RBFOX1: variants seen among roughly 807,000 people sequenced by gnomAD.
RBFOX1 encodes RNA binding protein fox-1 homolog 1.
A neutral mutation model predicts 57.7 loss-of-function variants in RBFOX1; 8 were observed. The ratio of observed to expected loss-of-function variants is 0.14; its 90% CI spans 0.08 to 0.25. RBFOX1 has a LOEUF of 0.25. RBFOX1 is among the 10% of genes least tolerant of loss of function. The pLI is 1.00. For missense variants in RBFOX1, 611 were observed against 548.5 expected, an observed-to-expected ratio of 1.11 and a Z score of -1.14; for synonymous variants, 326 against 222.4, an observed-to-expected ratio of 1.47 and a Z score of -4.15.
At chr16:5,701,308 A>G (rs1397136323) in intron 3 of RBFOX1, among the ~76,000 whole-genome samples, 1 of 152,240 alleles carries the variant, frequency 6.6e-6, no homozygotes, top group Non-Finnish European at 1.5e-5. Flanking sequence ...AATGTAATGC[A>G]AACAAATACA....
At chr16:7,573,105 T>C (rs567417521) in intron 5 of RBFOX1, among the ~76,000 whole-genome samples, 101 of 152,242 alleles carry the variant, frequency 6.6e-4, no homozygotes, top group African/African-American at 2.4e-3. Flanking sequence ...CTGTAGATCA[T>C]AGGGCCAGTG....
chr16:5,536,276 C>T (rs979267601), intron 2 of RBFOX1, among the ~76,000 whole-genome samples: 2 of 137,702 alleles, frequency 1.5e-5, no homozygotes, highest in East Asian at 4.4e-4. Context: ...TGCTTGTCGC[C>T]TAGGCTGGAG....
Position 5,497,638 on chromosome 16 carries a change from A to AAAAAAAAAAAAAAT in RBFOX1, c.258+30384_258+30385insAAAAAAAAAAAAAT, listed in dbSNP as rs71142625. Among the ~76,000 whole-genome samples, 8 of 139,396 alleles carry AAAAAAAAAAAAAAT rather than the reference A, an allele frequency of 5.7e-5. 1 individual carries two copies. Among genetic ancestry groups the AAAAAAAAAAAAAAT allele is most frequent in the African/African-American group, 1.8e-4 (6 of 33,708 alleles). The allele number at this position is 139,396 out of a possible 152,430, so 91.4% of individuals were successfully genotyped here. On this transcript the variant is annotated intron_variant, in intron 2 of 2. Coordinates refer to the RBFOX1 transcript ENST00000585867. ...CTAAAAATACAAAAAAAAAAAAAAA[A>AAAAAAAAAAAAAAT]GCTGGGCATGGTGGCACACACTCCC...
chr16:7,005,102 T>A (rs1356549170), intron 3 of RBFOX1, among the ~76,000 whole-genome samples: 1 of 152,008 alleles, frequency 6.6e-6, no homozygotes, highest in Non-Finnish European at 1.5e-5. Context: ...TGAGATCGCG[T>A]CATTGCACTC....
intron 1 of RBFOX1, among the ~76,000 whole-genome samples, chr16:6,315,357 G>A (rs569595239): frequency 6.7e-6 from 1 of 148,194 alleles, no homozygotes; most frequent in Non-Finnish European, 1.5e-5. Context: ...TGGATGAATG[G>A]GTGGGTGGAT....
At chr16:6,348,873 C>T (rs1035865911) in intron 2 of RBFOX1, among the ~76,000 whole-genome samples, 1 of 152,134 alleles carries the variant, frequency 6.6e-6, no homozygotes, top group Admixed American at 6.5e-5. Flanking sequence ...AGATCCAAAC[C>T]ATATCAGATG....
At chr16:5,961,724 T>G (rs2059753604) in intron 4 of RBFOX1, among the ~76,000 whole-genome samples, 1 of 152,080 alleles carries the variant, frequency 6.6e-6, no homozygotes, top group Non-Finnish European at 1.5e-5. Flanking sequence ...GATGAGGTTT[T>G]GCTTTGTTGC....
intron 1 of RBFOX1, among the ~76,000 whole-genome samples, chr16:6,115,779 C>T (rs558777253): frequency 1.3e-5 from 2 of 152,268 alleles, no homozygotes; most frequent in Middle Eastern, 3.4e-3. Context: ...CATAATTCCC[C>T]AATCCCTGGT....
Position 6,123,474 on chromosome 16 carries a change from A to G in RBFOX1, c.-127+103482A>G, listed in dbSNP as rs148347144. On this transcript the variant is annotated intron_variant, in intron 1 of 15. Transcript: ENST00000550418. ...AGTCAAATACTTAGAAACTGAAAGT[A>G]GAATAGAGGTTACCAGGGGCTGAAA... is the stretch of plus-strand genomic sequence containing the variant. 6.0e-3 allele frequency among the ~76,000 whole-genome samples: 914 copies of G among 152,352 alleles called. 11 individuals are homozygous for G. The highest frequency in any genetic ancestry group is 0.021 in the African/African-American group (860 of 41,588).
chr16:6,360,453 A>C (rs183133718), intron 2 of RBFOX1, among the ~76,000 whole-genome samples: 1 of 152,288 alleles, frequency 6.6e-6, no homozygotes, highest in Admixed American at 6.5e-5. Context: ...TGGAAAAAAA[A>C]ATGTCCAAGT....
intron 4 of RBFOX1, among the ~76,000 whole-genome samples, chr16:7,089,239 G>A (rs578185929): frequency 5.6e-4 from 86 of 152,276 alleles, no homozygotes; most frequent in African/African-American, 2.1e-3. Context: ...CTTCGAGCTT[G>A]CGTATCACGA....
chr16:6,040,846 G>A (rs2095429111), intron 1 of RBFOX1, among the ~76,000 whole-genome samples: 1 of 151,950 alleles, frequency 6.6e-6, no homozygotes, highest in South Asian at 2.1e-4. Flanking sequence ...TGCGTGCCTT[G>A]GCCTCCCAAA....
At chr16:6,391,101 C>A (rs1039214448) in intron 2 of RBFOX1, among the ~76,000 whole-genome samples, 2 of 152,256 alleles carry the variant, frequency 1.3e-5, no homozygotes, top group Non-Finnish European at 2.9e-5. Flanking sequence ...ATGTCCCCTC[C>A]AAATGTGACA....
chr16:7,186,817 A>C (rs1478924048), intron 4 of RBFOX1, among the ~76,000 whole-genome samples: 1 of 151,264 alleles, frequency 6.6e-6, no homozygotes, highest in African/African-American at 2.4e-5. Flanking sequence ...CTGTATTAAA[A>C]TGTATTCAGT....
chr16:6,339,863 G>C lies in RBFOX1; in HGVS notation c.-64+22806G>C, dbSNP rs1334230045. Reference sequence around the variant, plus strand: ...TTTTTTTTTATTTCTATTTTTAGTAGAGAGAGGGTTTTACCATCTTGGCCA... The same window carrying C: ...TTTTTTTTTATTTCTATTTTTAGTACAGAGAGGGTTTTACCATCTTGGCCA... On this transcript the variant is annotated intron_variant, in intron 2 of 15. Transcript: ENST00000550418. Among the ~76,000 whole-genome samples the C allele has an allele frequency of 2.0e-5, 3 of 151,782 alleles. No homozygotes were observed. In the East Asian group the frequency reaches 5.8e-4, roughly 30 times the overall value.
rs537212016 is a variant in RBFOX1, at chr16:5,700,652, C to T, written c.318+101691C>T. Reference sequence around the variant, plus strand: ...TCTGGAAAATTCTCCATAATGATGTCTTCAATTTCTTCAGTTCTGTTATTG... The same window carrying T: ...TCTGGAAAATTCTCCATAATGATGTTTTCAATTTCTTCAGTTCTGTTATTG... On this transcript the variant is annotated intron_variant, in intron 3 of 19. Coordinates refer to the RBFOX1 transcript ENST00000641259. Among the ~76,000 whole-genome samples, 10 of 152,240 alleles carry T rather than the reference C, an allele frequency of 6.6e-5. No individual in the cohort carries two copies. In the South Asian group the frequency reaches 2.1e-3, roughly 32 times the overall value.
At chr16:6,511,354 C>T (rs773934348) in intron 2 of RBFOX1, among the ~76,000 whole-genome samples, 1 of 152,172 alleles carries the variant, frequency 6.6e-6, no homozygotes, top group African/African-American at 2.4e-5. Flanking sequence ...TTCTTAGTGT[C>T]TATCATGTAG....
intron 4 of RBFOX1, among the ~76,000 whole-genome samples, chr16:7,509,215 T>G (rs2152005853): frequency 6.6e-6 from 1 of 152,336 alleles, no homozygotes; most frequent in East Asian, 1.9e-4. Context: ...TTGATAGCAT[T>G]TGTCACCCCT....
At chr16:6,058,108 T>G (rs1426090326) in intron 1 of RBFOX1, among the ~76,000 whole-genome samples, 1 of 152,100 alleles carries the variant, frequency 6.6e-6, no homozygotes, top group African/African-American at 2.4e-5. Flanking sequence ...GGGTTTTTAT[T>G]TGAAGTAGAG....
Sources: gnomAD v4.1 joint callset for allele counts (sites outside exome capture counted in the v4.1 genomes callset) on GRCh38, gnomAD v4.1.1 for gene constraint, MANE v1.5 for transcripts, NCBI Gene and HGNC (gene_info 2026-07-23, HGNC 2026-07-21) for gene names.